The following ODAD2 variants were observed in gnomAD, a reference collection of about 807,000 sequenced individuals.
The protein encoded by ODAD2 is outer dynein arm-docking complex subunit 2.
Under a neutral mutation model 106.8 loss-of-function variants are expected in ODAD2, and 89 were observed. The ratio of observed to expected loss-of-function variants is 0.83; its 90% CI spans 0.70 to 0.99. The LOEUF (loss-of-function observed/expected upper bound fraction) is 0.99, where lower values mean the gene tolerates loss of function less well. Ranked by LOEUF, ODAD2 falls within the 50% of genes least tolerant of loss-of-function variation. The pLI is 0.00. For missense variants in ODAD2, 1,168 were observed against 1,238.5 expected, an observed-to-expected ratio of 0.94 and a Z score of 0.85; for synonymous variants, 404 against 436.2, an observed-to-expected ratio of 0.93 and a Z score of 0.92.
chr10:27,865,311 A>G (rs1840361719), intron 17 of ODAD2, among the ~76,000 whole-genome samples: 1 of 152,188 alleles, frequency 6.6e-6, no homozygotes, highest in Admixed American at 6.5e-5. Flanking sequence ...GTATTTTTAA[A>G]AACTCTCCAG....
chr10:27,864,634 G>A (rs1223494991), intron 17 of ODAD2, among the ~76,000 whole-genome samples: 1 of 151,084 alleles, frequency 6.6e-6, no homozygotes, highest in Non-Finnish European at 1.5e-5. Flanking sequence ...AGGGGAGAGT[G>A]AGGAGTGGGG....
chr10:27,925,764 C>T lies in ODAD2; in HGVS notation c.2495+9246G>A, dbSNP rs370224768. Among the ~76,000 whole-genome samples the T allele has an allele frequency of 2.6e-5, 4 of 152,188 alleles. 1 individual carries two copies. Among genetic ancestry groups the T allele is most frequent in the African/African-American group, 9.6e-5 (4 of 41,538 alleles). ...CTTCATAGAGAGACACTAGAGGCAT[C>T]CCCACTAAAATTATGAACAAGACAA... On this transcript the variant is annotated intron_variant, in intron 16 of 19. Coordinates refer to ENST00000305242, the MANE Select transcript of ODAD2 (RefSeq NM_018076.5).
intron 17 of ODAD2, among the ~76,000 whole-genome samples, chr10:27,896,922 T>G (rs1423697404): frequency 1.3e-5 from 2 of 152,074 alleles, no homozygotes; most frequent in Non-Finnish European, 2.9e-5. Flanking sequence ...TTTTCCTCTA[T>G]TTCCTCCCCT....
intron 19 of ODAD2, among the ~76,000 whole-genome samples, chr10:27,816,397 T>C (rs1836138596): frequency 6.6e-6 from 1 of 151,940 alleles, no homozygotes; most frequent in Non-Finnish European, 1.5e-5. Context: ...GCCTTGGGAG[T>C]TTTGTATCAT....
At chr10:27,812,683 C>T (rs964719495) in intron 19 of ODAD2, 58 bp from the exon 20 acceptor site, 10 of 1,499,758 alleles carry the variant, frequency 6.7e-6, no homozygotes, top group Non-Finnish European at 8.8e-6. Context: ...AATCTAAAGA[C>T]ATAAAGTTAG....
At chr10:27,908,484 C>T (rs1190340570) in intron 16 of ODAD2, among the ~76,000 whole-genome samples, 2 of 152,138 alleles carry the variant, frequency 1.3e-5, no homozygotes, top group African/African-American at 4.8e-5. Flanking sequence ...CAGTAAGGTC[C>T]ATTGGGTACT....
At chr10:27,897,380 C>T (rs1842926785) in intron 17 of ODAD2, among the ~76,000 whole-genome samples, 1 of 152,178 alleles carries the variant, frequency 6.6e-6, no homozygotes, top group Non-Finnish European at 1.5e-5. Flanking sequence ...ATCATCTTTT[C>T]CTCAGACGAT....
chr10:27,975,478 T>C (rs1042999581), intron 7 of ODAD2, among the ~76,000 whole-genome samples: 1 of 151,932 alleles, frequency 6.6e-6, no homozygotes, highest in African/African-American at 2.4e-5. Context: ...TATTAAAAGG[T>C]CAATAAGAGA....
chr10:27,846,227 C>T (rs2133169140), intron 19 of ODAD2, among the ~76,000 whole-genome samples: 1 of 152,284 alleles, frequency 6.6e-6, no homozygotes, highest in East Asian at 1.9e-4. Context: ...AACTGTCTCT[C>T]AGACCACAGT....
At chr10:27,923,035 C>CA (rs34278673) in intron 16 of ODAD2, among the ~76,000 whole-genome samples, 57,273 of 151,952 alleles carry the variant, frequency 0.38, 12,162 homozygotes, top group Middle Eastern at 0.59. Context: ...ACCACTAGAA[C>CA]AAAAATGCAA....
chr10:27,922,267 T>C (rs1278330233), intron 16 of ODAD2, among the ~76,000 whole-genome samples: 1 of 151,910 alleles, frequency 6.6e-6, no homozygotes, highest in Non-Finnish European at 1.5e-5. Flanking sequence ...TTTTAGCAAG[T>C]TTTAACATAT....
At chr10:27,835,885 C>G (rs957768204) in intron 19 of ODAD2, 6 of 150,614 alleles carry the variant, frequency 4.0e-5, no homozygotes, top group African/African-American at 1.5e-4. Context: ...GAGATTGCAC[C>G]ACTGCACTCC....
At chr10:27,849,102 C>T (rs575382851) in intron 19 of ODAD2, among the ~76,000 whole-genome samples, 116 of 152,302 alleles carry the variant, frequency 7.6e-4, no homozygotes, top group Non-Finnish European at 1.1e-3. Flanking sequence ...CACATGCACA[C>T]GTATGTTTAC....
intron 17 of ODAD2, among the ~76,000 whole-genome samples, chr10:27,870,665 C>G (rs1165280194): frequency 3.9e-5 from 6 of 152,106 alleles, no homozygotes; most frequent in Non-Finnish European, 7.4e-5. Context: ...TAATCCATGT[C>G]CCTACAAAGG....
chr10:27,971,457 C>A (rs943542942), intron 7 of ODAD2, 144 bp from the exon 8 acceptor site: 7 of 671,572 alleles, frequency 1.0e-5, no homozygotes, highest in African/African-American at 1.8e-5. Flanking sequence ...ACAAGGACAA[C>A]ATCAAGACTA....
intron 7 of ODAD2, among the ~76,000 whole-genome samples, chr10:27,979,445 T>TACACACACACACAC (rs35697488): frequency 3.5e-5 from 5 of 141,844 alleles, no homozygotes; most frequent in Admixed American, 2.9e-4. Flanking sequence ...CACACACCCA[T>TACACACACACACAC]ACACACACAC....
rs767169905 is a variant in ODAD2 at position 27,935,158 on chromosome 10, A to T, written c.2347T>A (p.Cys783Ser). 1.6e-4 allele frequency: 264 copies of T among 1,613,886 alleles called. No homozygotes were observed. The highest frequency in any genetic ancestry group is 6.6e-4 in the Middle Eastern group (4 of 6,082). Residue 783 changes from cysteine (C) to serine (S), a missense_variant, in exon 16 of 20, where the codon TGC (cysteine) becomes AGC (serine). Cys to Ser is a moderately radical substitution (Grantham distance 112). This residue lies in a region of ODAD2 where 701 missense variants were observed against 712.3 expected (regional missense o/e 0.98). Transcript: ENST00000305242. ...ACTCGGTTTTCACGTTCTTGGCAGC[A>T]TTCTCCCAAGGCCCCAACCACATTC... Reference protein sequence around the residue: ...LVNVVGALGECCQERENRVIV... With the variant: ...LVNVVGALGESCQERENRVIV...
chr10:27,942,064 T>C (rs1200602134), intron 12 of ODAD2, among the ~76,000 whole-genome samples: 4 of 152,132 alleles, frequency 2.6e-5, no homozygotes, highest in Non-Finnish European at 5.9e-5. Flanking sequence ...TGGGAAAAAT[T>C]CTAAGACCGT....
rs190388918 is a variant in ODAD2 at position 27,856,963 on chromosome 10, G to A, written c.3021+3662C>T. 2.5e-4 allele frequency among the ~76,000 whole-genome samples: 38 copies of A among 152,084 alleles called. No individual in the cohort carries two copies. The East Asian group carries it at 5.4e-3, about 22-fold the overall frequency. ...GCCTGGACGACAAGACCGAAACTCCGTCCCAAAAATAAATAAATAATAATA... is the reference window on the plus strand; with the variant it reads ...GCCTGGACGACAAGACCGAAACTCCATCCCAAAAATAAATAAATAATAATA... On this transcript the variant is annotated intron_variant, in intron 19 of 19. Coordinates refer to ENST00000305242, the MANE Select transcript of ODAD2 (RefSeq NM_018076.5).
Sources: gnomAD v4.1 joint callset for allele counts (sites outside exome capture counted in the v4.1 genomes callset) on GRCh38, gnomAD v4.1.1 for gene constraint, gnomAD v4.1.1 regional missense constraint, MANE v1.5 for transcripts, NCBI Gene and HGNC (gene_info 2026-07-23, HGNC 2026-07-21) for gene names.